The following VPS53 variants were observed in gnomAD, a reference collection of about 807,000 sequenced individuals.
The protein encoded by VPS53 is vacuolar protein sorting-associated protein 53 homolog.
A neutral mutation model predicts 107.0 loss-of-function variants in VPS53; 70 were observed. That is an observed-to-expected ratio of 0.65 (90% CI 0.54 to 0.80). The LOEUF (loss-of-function observed/expected upper bound fraction) is 0.80, where lower values mean the gene tolerates loss of function less well. Ranked by LOEUF, VPS53 falls within the 30% of genes least tolerant of loss-of-function variation. VPS53 has a pLI of 0.00. For missense variants in VPS53, 917 were observed against 1,049.4 expected, an observed-to-expected ratio of 0.87 and a Z score of 1.74; for synonymous variants, 409 against 393.3, an observed-to-expected ratio of 1.04 and a Z score of -0.47.
intron 11 of VPS53, among the ~76,000 whole-genome samples, chr17:623,159 A>C (rs1257650739): frequency 6.6e-6 from 1 of 152,200 alleles, no homozygotes; most frequent in Non-Finnish European, 1.5e-5. Flanking sequence ...TTTGTTCACC[A>C]GAGATGTTAA....
intron 12 of VPS53, among the ~76,000 whole-genome samples, chr17:598,764 G>GC (rs2143006691): frequency 8.2e-6 from 1 of 122,202 alleles, no homozygotes; most frequent in Non-Finnish European, 1.8e-5. Flanking sequence ...CCTCCGCCCG[G>GC]CAGCCGCCCC....
intron 17 of VPS53, chr17:538,997 T>C (rs1910352373): frequency 6.6e-6 from 1 of 152,210 alleles, no homozygotes; most frequent in Non-Finnish European, 1.5e-5. Flanking sequence ...GAGGCCAAAA[T>C]TGACAGGTGC....
chr17:706,105 G>A (rs1973388992), intron 2 of VPS53: 2 of 152,160 alleles, frequency 1.3e-5, no homozygotes, highest in Admixed American at 1.3e-4. Flanking sequence ...TCTAAAATAA[G>A]AAGGATAACA....
rs1013870565 is a variant in VPS53 at position 646,010 on chromosome 17, G to T, written c.608+7281C>A. Among the ~76,000 whole-genome samples, 7 of 132,022 alleles carry T rather than the reference G, an allele frequency of 5.3e-5. 1 individual carries two copies. Among genetic ancestry groups the T allele is most frequent in the Non-Finnish European group, 1.2e-4 (7 of 60,338 alleles). 86.6% of individuals were successfully genotyped at this position (132,022 alleles called of 152,430 possible). On this transcript the variant is annotated intron_variant, in intron 7 of 21. Transcript: ENST00000437048. ...CTTATCTTTTCTAATCCATATCACG[G>T]ACTGGAGACTGGCTCCCACACACAT...
intron 13 of VPS53, among the ~76,000 whole-genome samples, chr17:567,595 G>A (rs1201313527): frequency 2.0e-5 from 3 of 151,636 alleles, no homozygotes; most frequent in Admixed American, 2.0e-4. Context: ...CAACCTCCCA[G>A]GCTCAAGCAA....
intron 12 of VPS53, among the ~76,000 whole-genome samples, chr17:599,571 A>G (rs1352223203): frequency 2.0e-5 from 3 of 150,212 alleles, no homozygotes; most frequent in Non-Finnish European, 3.0e-5. Context: ...GTTAAGAGTC[A>G]TCACCACTCC....
At chr17:654,811 C>T (rs8077374) in intron 6 of VPS53, among the ~76,000 whole-genome samples, 5,057 of 152,066 alleles carry the variant, frequency 0.033, 278 homozygotes, top group African/African-American at 0.11. Flanking sequence ...GCTACCACCA[C>T]CTGGTTTTAC....
In VPS53 at chr17:510,885, GTGCAA is replaced by G. The variant is rs1907904936; in HGVS notation, c.*8238_*8242del. The stretch of plus-strand genomic sequence containing the variant: ...CCAAAGCTCTGGATCCTTTAGGGCT[GTGCAA>G]AGATGTGACAGGCATGGGTATGAGG... On this transcript the variant is annotated 3_prime_UTR_variant, in exon 22 of 22. Coordinates refer to ENST00000437048, the MANE Select transcript of VPS53 (RefSeq NM_001128159.3). 1 of 152,494 alleles carries G rather than the reference GTGCAA, an allele frequency of 6.6e-6. No homozygotes were observed. Among genetic ancestry groups the G allele is most frequent in the Admixed American group, 6.5e-5 (1 of 15,286 alleles). The allele number at this position is 152,494 out of a possible 1,614,324, so 9.4% of individuals were successfully genotyped here.
intron 11 of VPS53, among the ~76,000 whole-genome samples, chr17:608,553 T>A (rs567931570): frequency 2.6e-5 from 4 of 151,874 alleles, no homozygotes; most frequent in Non-Finnish European, 5.9e-5. Flanking sequence ...TTATTTAAAA[T>A]TTTTTTTTCT....
chr17:521,765 C>A, intron 19 of VPS53, 27 bp from the exon 20 acceptor site: 1 of 1,485,124 alleles, frequency 6.7e-7, no homozygotes, highest in Non-Finnish European at 9.1e-7. Context: ...AGAGCATTAC[C>A]GGCCCCTTCC....
intron 4 of VPS53, 69 bp downstream of exon 4, chr17:697,349 C>T: frequency 5.4e-6 from 7 of 1,298,544 alleles, no homozygotes; most frequent in East Asian, 2.3e-5. Flanking sequence ...GGCACATCGA[C>T]GTTTTGGTCA....
rs183238832 is a variant in VPS53, at chr17:517,223, C to T, written c.*1905G>A. 6.1e-3 allele frequency: 2,336 copies of T among 382,492 alleles called. 21 individuals carry two copies. The highest frequency in any genetic ancestry group is 7.5e-3 in the Non-Finnish European group (1,616 of 216,396). The allele number at this position is 382,492 out of a possible 1,614,324, so 23.7% of individuals were successfully genotyped here. A position where few individuals can be genotyped will look rare whatever the true frequency, so the allele number is the denominator to read the frequency against. On this transcript the variant is annotated 3_prime_UTR_variant, in exon 22 of 22. Transcript: ENST00000437048. ...TTCCTAATAGACCTCAACTGAAGGC[C>T]GCATCTCCTTCTCGCAACACTTCTT...
intron 12 of VPS53, among the ~76,000 whole-genome samples, chr17:592,867 G>C (rs1252288265): frequency 6.6e-6 from 1 of 152,018 alleles, no homozygotes; most frequent in African/African-American, 2.4e-5. Flanking sequence ...TATGTGTCTT[G>C]GTGTTGCTCT....
At chr17:531,292 G>A (rs1462333129) in intron 19 of VPS53, among the ~76,000 whole-genome samples, 1 of 152,082 alleles carries the variant, frequency 6.6e-6, no homozygotes, top group Non-Finnish European at 1.5e-5. Flanking sequence ...CTCCCCTACT[G>A]CCCACCTGAA....
chr17:558,578 G>A (rs1302936952), intron 15 of VPS53, among the ~76,000 whole-genome samples: 1 of 152,200 alleles, frequency 6.6e-6, no homozygotes, highest in Non-Finnish European at 1.5e-5. Flanking sequence ...AGCTTGCAGT[G>A]AGCCGAGATC....
chr17:593,323 C>A, intron 12 of VPS53, among the ~76,000 whole-genome samples: 1 of 152,120 alleles, frequency 6.6e-6, no homozygotes, highest in African/African-American at 2.4e-5. Flanking sequence ...TCTAATTAAA[C>A]TAAAGAGCTT....
intron 9 of VPS53, among the ~76,000 whole-genome samples, chr17:627,871 A>G (rs531859480): frequency 1.3e-5 from 2 of 152,324 alleles, no homozygotes; most frequent in South Asian, 4.1e-4. Flanking sequence ...AACTATATGC[A>G]GAATTTTATG....
intron 4 of VPS53, among the ~76,000 whole-genome samples, chr17:681,141 T>C (rs1044535432): frequency 1.3e-5 from 2 of 152,184 alleles, no homozygotes; most frequent in African/African-American, 4.8e-5. Flanking sequence ...TGTTTGTTTT[T>C]TGTTTTCTGT....
intron 5 of VPS53, among the ~76,000 whole-genome samples, chr17:661,118 C>G (rs1971418557): frequency 6.6e-6 from 1 of 151,974 alleles, no homozygotes; most frequent in African/African-American, 2.4e-5. Context: ...CAGCGTGCAT[C>G]GAGCTACATA....
Sources: gnomAD v4.1 joint callset for allele counts (sites outside exome capture counted in the v4.1 genomes callset) on GRCh38, gnomAD v4.1.1 for gene constraint, MANE v1.5 for transcripts, NCBI Gene and HGNC (gene_info 2026-07-23, HGNC 2026-07-21) for gene names.